FNBP1L: variants seen among roughly 807,000 people sequenced by gnomAD.
The protein encoded by FNBP1L is formin binding protein 1 like.
Under a neutral mutation model 91.2 loss-of-function variants are expected in FNBP1L, and 36 were observed. The ratio of observed to expected loss-of-function variants is 0.39; its 90% CI spans 0.30 to 0.52. The LOEUF is 0.52. Ranked by LOEUF, FNBP1L falls within the 20% of genes least tolerant of loss-of-function variation. The probability of loss-of-function intolerance (pLI) is 0.66; values close to 1 mark genes in which losing one functional copy is unlikely to be tolerated. For synonymous variants in FNBP1L, 242 were observed against 237.0 expected, an observed-to-expected ratio of 1.02 and a Z score of -0.19; for missense variants, 571 against 732.1, an observed-to-expected ratio of 0.78 and a Z score of 2.54.
intron 2 of FNBP1L, among the ~76,000 whole-genome samples, chr1:93,509,619 G>T (rs1436069396): frequency 2.0e-5 from 3 of 152,228 alleles, no homozygotes; most frequent in Non-Finnish European, 4.4e-5. Context: ...CAAGATGGCC[G>T]AATAGGAACA....
intron 2 of FNBP1L, among the ~76,000 whole-genome samples, chr1:93,521,583 C>T (rs1051393099): frequency 2.6e-5 from 4 of 152,192 alleles, no homozygotes; most frequent in Non-Finnish European, 5.9e-5. Flanking sequence ...ACATCCTCCC[C>T]ATACTTTAAA....
At chr1:93,459,072 T>C (rs764260312) in intron 1 of FNBP1L, among the ~76,000 whole-genome samples, 3 of 152,078 alleles carry the variant, frequency 2.0e-5, no homozygotes, top group East Asian at 1.9e-4. Flanking sequence ...GCCAGAGATA[T>C]GAGACCAGCC....
intron 1 of FNBP1L, among the ~76,000 whole-genome samples, chr1:93,467,926 G>A (rs993044329): frequency 1.3e-5 from 2 of 152,152 alleles, no homozygotes; most frequent in African/African-American, 4.8e-5. Context: ...CAAAAGTTAA[G>A]ATTGTAAATT....
chr1:93,495,802 A>T (rs1351221062), intron 1 of FNBP1L, among the ~76,000 whole-genome samples: 1 of 152,204 alleles, frequency 6.6e-6, no homozygotes, highest in Non-Finnish European at 1.5e-5. Flanking sequence ...TTTGATGATG[A>T]ATGTTTGGAA....
intron 1 of FNBP1L, among the ~76,000 whole-genome samples, chr1:93,467,032 T>C (rs1421218089): frequency 6.6e-6 from 1 of 152,150 alleles, no homozygotes; most frequent in Non-Finnish European, 1.5e-5. Context: ...AATTTTTGTA[T>C]CTTTAGTAGA....
intron 3 of FNBP1L, among the ~76,000 whole-genome samples, chr1:93,522,649 A>G (rs974931974): frequency 6.6e-6 from 1 of 152,190 alleles, no homozygotes; most frequent in African/African-American, 2.4e-5. Flanking sequence ...GACTTAAACA[A>G]ACAACTCTGT....
chr1:93,478,152 T>C (rs911323387), intron 1 of FNBP1L, among the ~76,000 whole-genome samples: 1 of 152,216 alleles, frequency 6.6e-6, no homozygotes, highest in Non-Finnish European at 1.5e-5. Context: ...GGAGGAACTT[T>C]CCCTTCTCTC....
intron 16 of FNBP1L, chr1:93,551,713 TAAAG>T: frequency 1.0e-6 from 1 of 984,682 alleles, no homozygotes. Flanking sequence ...TAAGTAGATT[TAAAG>T]AGAGTTTCAA....
intron 1 of FNBP1L, among the ~76,000 whole-genome samples, chr1:93,461,763 A>G (rs1668874063): frequency 6.6e-6 from 1 of 152,204 alleles, no homozygotes; most frequent in Non-Finnish European, 1.5e-5. Context: ...GTCTCCAAGG[A>G]ATTAATGATG....
intron 2 of FNBP1L, among the ~76,000 whole-genome samples, chr1:93,507,486 A>G (rs1271407479): frequency 6.6e-6 from 1 of 152,194 alleles, no homozygotes; most frequent in Non-Finnish European, 1.5e-5. Flanking sequence ...TTGAGCTAAT[A>G]AGCATATTGT....
In FNBP1L at chr1:93,516,385, G is replaced by A. The variant is rs533231991; in HGVS notation, c.141-5697G>A. 2.0e-3 allele frequency among the ~76,000 whole-genome samples: 297 copies of A among 152,164 alleles called. 1 individual carries two copies. The highest frequency in any genetic ancestry group is 3.2e-3 in the Non-Finnish European group (219 of 68,004). On this transcript the variant is annotated intron_variant, in intron 2 of 16. Transcript: ENST00000271234. ...AAAAGCTCCCTCCTTGTCCACTTAC[G>A]GTGACTCAATACATTCAAGTTCCAC... is the stretch of plus-strand genomic sequence containing the variant.
chr1:93,451,673 G>A (rs932554762), intron 1 of FNBP1L, among the ~76,000 whole-genome samples: 6 of 151,950 alleles, frequency 3.9e-5, no homozygotes, highest in African/African-American at 1.5e-4. Context: ...TTATTTTTGA[G>A]ATGGAGTCTC....
intron 2 of FNBP1L, among the ~76,000 whole-genome samples, chr1:93,511,879 T>C (rs1202905086): frequency 1.5e-5 from 2 of 137,270 alleles, no homozygotes; most frequent in Non-Finnish European, 3.0e-5. Context: ...GGCAGGAGAA[T>C]GGCGTGAACC....
chr1:93,533,415 T>C (rs1010303304), intron 8 of FNBP1L, among the ~76,000 whole-genome samples: 1 of 152,216 alleles, frequency 6.6e-6, no homozygotes, highest in African/African-American at 2.4e-5. Flanking sequence ...GAGTTGCCTT[T>C]AGCACTTGAG....
intron 1 of FNBP1L, among the ~76,000 whole-genome samples, chr1:93,484,789 C>A (rs1669840756): frequency 1.3e-5 from 2 of 152,166 alleles, no homozygotes; most frequent in African/African-American, 4.8e-5. Context: ...ACTGAATGAC[C>A]CTGGGCTCAA....
At chr1:93,544,710 G>T (rs753107788) in intron 12 of FNBP1L, among the ~76,000 whole-genome samples, 1 of 151,956 alleles carries the variant, frequency 6.6e-6, no homozygotes, top group Non-Finnish European at 1.5e-5. Flanking sequence ...AATTATTCAC[G>T]ATCATTAAAG....
At chr1:93,455,468 C>G (rs1349528013) in intron 1 of FNBP1L, among the ~76,000 whole-genome samples, 2 of 152,234 alleles carry the variant, frequency 1.3e-5, no homozygotes, top group Non-Finnish European at 2.9e-5. Context: ...GGATTACAGG[C>G]ATGAGCCACT....
chr1:93,551,721 G>A, intron 16 of FNBP1L: 4 of 984,852 alleles, frequency 4.1e-6, no homozygotes, highest in Non-Finnish European at 4.8e-6. Flanking sequence ...TTTAAAGAGA[G>A]TTTCAAAATA....
At position 93,516,553 on chromosome 1, in the gene FNBP1L, C is replaced by T. The variant is rs139711501; in HGVS notation, c.141-5529C>T. On this transcript the variant is annotated intron_variant, in intron 2 of 16. Coordinates refer to ENST00000271234, the MANE Select transcript of FNBP1L (RefSeq NM_001164473.3). ...ATCCTGGGCTGGGCACGATGGCTCA[C>T]GCTTGTGATCCCAGCGCTTTGGGAG... Among the ~76,000 whole-genome samples, 51 of 152,200 alleles carry T rather than the reference C, an allele frequency of 3.4e-4. No individual in the cohort carries two copies. In the East Asian group the frequency reaches 5.8e-3, roughly 17 times the overall value.
Sources: allele counts gnomAD v4.1 joint callset (sites outside exome capture counted in the v4.1 genomes callset), GRCh38; gene constraint gnomAD v4.1.1; transcripts MANE v1.5; gene names NCBI Gene and HGNC (gene_info 2026-07-23, HGNC 2026-07-21).